The following SPRR2G variants were observed in gnomAD, a reference collection of about 807,000 sequenced individuals.
The protein encoded by SPRR2G is small proline-rich protein 2G.
In SPRR2G, 1 loss-of-function variant was observed where a neutral mutation model predicts 0.7. That is an observed-to-expected ratio of 1.49 (90% confidence interval 0.53 to 7.06). SPRR2G has a LOEUF of 7.06. SPRR2G is among the 30% of genes most tolerant of loss of function. The pLI, the probability that SPRR2G is intolerant of heterozygous loss-of-function variation, is 0.14. For missense variants in SPRR2G, 96 were observed against 88.5 expected, an observed-to-expected ratio of 1.09 and a Z score of -0.34; for synonymous variants, 38 against 33.9, an observed-to-expected ratio of 1.12 and a Z score of -0.42.
chr1:153,197,296 G>A, the SPRR2G span, among the ~76,000 whole-genome samples: 3,544 of 151,922 alleles, frequency 0.023, 138 homozygotes, highest in African/African-American at 0.08. Flanking sequence ...ATCAGATGGC[G>A]GCTGTATCCT....
chr1:153,194,361 T>C, the SPRR2G span, among the ~76,000 whole-genome samples: 1 of 152,200 alleles, frequency 6.6e-6, no homozygotes. Flanking sequence ...CAAATTATTC[T>C]CCACCAAAAG....
the SPRR2G span, among the ~76,000 whole-genome samples, chr1:153,197,528 C>A: frequency 1.3e-5 from 2 of 152,150 alleles, no homozygotes; most frequent in African/African-American, 4.8e-5. Flanking sequence ...ATTTATTTCC[C>A]AAATATTCAC....
chr1:153,187,835 G>A, the SPRR2G span, among the ~76,000 whole-genome samples: 1 of 152,148 alleles, frequency 6.6e-6, no homozygotes, highest in South Asian at 2.1e-4. Context: ...TCATCTTCAT[G>A]GATTTATCCG....
At chr1:153,180,404 G>A in the SPRR2G span, among the ~76,000 whole-genome samples, 2 of 152,072 alleles carry the variant, frequency 1.3e-5, no homozygotes, top group African/African-American at 2.4e-5. Flanking sequence ...CCCCAAAATT[G>A]TGTTTGTGAT....
chr1:153,157,451 G>A, the SPRR2G span, among the ~76,000 whole-genome samples: 364 of 152,214 alleles, frequency 2.4e-3, 2 homozygotes, highest in Middle Eastern at 0.01. Context: ...TGGGTCCAAG[G>A]GAGATTATAA....
At chr1:153,181,781 A>G in the SPRR2G span, among the ~76,000 whole-genome samples, 3 of 150,566 alleles carry the variant, frequency 2.0e-5, no homozygotes, top group African/African-American at 7.3e-5. Context: ...GTGGTATTCC[A>G]TTATATATAT....
At chr1:153,193,221 T>TGGAG in the SPRR2G span, among the ~76,000 whole-genome samples, 5 of 152,184 alleles carry the variant, frequency 3.3e-5, no homozygotes, top group Admixed American at 1.3e-4. Flanking sequence ...ACATCATTCC[T>TGGAG]GGAGGTGACA....
chr1:153,171,521 A>G, the SPRR2G span, among the ~76,000 whole-genome samples: 2 of 152,254 alleles, frequency 1.3e-5, no homozygotes, highest in African/African-American at 4.8e-5. Flanking sequence ...TCCACTGCAC[A>G]TGCCACCGCT....
At chr1:153,179,526 A>G in the SPRR2G span, among the ~76,000 whole-genome samples, 2 of 152,154 alleles carry the variant, frequency 1.3e-5, no homozygotes, top group Non-Finnish European at 2.9e-5. Flanking sequence ...TAAATATACA[A>G]TATCATCGTG....
chr1:153,183,520 T>C, the SPRR2G span, among the ~76,000 whole-genome samples: 5 of 152,222 alleles, frequency 3.3e-5, no homozygotes, highest in African/African-American at 1.2e-4. Context: ...ATGTCTTCTT[T>C]TGACAAGTGT....
At chr1:153,172,382 A>G in the SPRR2G span, among the ~76,000 whole-genome samples, 1 of 152,286 alleles carries the variant, frequency 6.6e-6, no homozygotes, top group Non-Finnish European at 1.5e-5. Context: ...GCATTACAAC[A>G]TAAGTTCAAG....
the SPRR2G span, among the ~76,000 whole-genome samples, chr1:153,198,175 G>A: frequency 2.6e-4 from 40 of 151,950 alleles, no homozygotes; most frequent in African/African-American, 7.2e-4. Context: ...GCAAAAACTC[G>A]GAGTTTAAAA....
At chr1:153,183,144 C>A in the SPRR2G span, among the ~76,000 whole-genome samples, 5 of 149,112 alleles carry the variant, frequency 3.4e-5, no homozygotes, top group Non-Finnish European at 7.4e-5. Context: ...TCTCGGCTCA[C>A]CACAGTTTCC....
the SPRR2G span, among the ~76,000 whole-genome samples, chr1:153,195,485 C>T: frequency 6.6e-6 from 1 of 152,276 alleles, no homozygotes; most frequent in East Asian, 1.9e-4. Flanking sequence ...CCTCCACCAC[C>T]ACTACTGCCA....
chr1:153,197,454 C>T, the SPRR2G span, among the ~76,000 whole-genome samples: 5 of 152,150 alleles, frequency 3.3e-5, no homozygotes, highest in Non-Finnish European at 5.9e-5. Flanking sequence ...GGATCTCCCT[C>T]CTCTGACAGA....
the SPRR2G span, among the ~76,000 whole-genome samples, chr1:153,177,348 C>T: frequency 2.0e-5 from 3 of 152,242 alleles, no homozygotes; most frequent in East Asian, 1.9e-4. Flanking sequence ...TGTTATTTCT[C>T]TTAAATGAAT....
the SPRR2G span, among the ~76,000 whole-genome samples, chr1:153,169,246 A>G: frequency 5.0e-3 from 765 of 152,140 alleles, 11 homozygotes; most frequent in Middle Eastern, 0.02. Flanking sequence ...ACACAACAGT[A>G]GACCGACGTT....
the SPRR2G span, among the ~76,000 whole-genome samples, chr1:153,163,298 T>G: frequency 6.6e-6 from 1 of 152,194 alleles, no homozygotes; most frequent in Non-Finnish European, 1.5e-5. Context: ...AGACAAATTA[T>G]CTCATAGGTG....
chr1:153,189,867 C>A, the SPRR2G span, among the ~76,000 whole-genome samples: 1 of 152,086 alleles, frequency 6.6e-6, no homozygotes, highest in Non-Finnish European at 1.5e-5. Flanking sequence ...CTGGGAGGGG[C>A]AGACACTGCA....
Sources: gnomAD v4.1 joint callset for allele counts (sites outside exome capture counted in the v4.1 genomes callset) on GRCh38, gnomAD v4.1.1 for gene constraint, MANE v1.5 for transcripts, NCBI Gene and HGNC (gene_info 2026-07-23, HGNC 2026-07-21) for gene names.